SFSWAP: variants seen among roughly 807,000 people sequenced by gnomAD.
SFSWAP encodes splicing factor, suppressor of white-apricot homolog.
In SFSWAP, 17 loss-of-function variants were observed where a neutral mutation model predicts 100.7. The observed-to-expected ratio is 0.17, with a 90% CI of 0.12 to 0.25. The LOEUF (loss-of-function observed/expected upper bound fraction) is 0.25. Among genes scored for constraint, SFSWAP ranks in the 10% least tolerant of loss-of-function variants. SFSWAP has a pLI of 1.00. For missense variants in SFSWAP, 1,005 were observed against 1,262.6 expected (o/e 0.80, Z 3.09); for synonymous variants, 504 against 510.1 (o/e 0.99, Z 0.16).
intron 3 of SFSWAP, among the ~76,000 whole-genome samples, chr12:131,716,161 C>T (rs1877893253): frequency 6.6e-6 from 1 of 152,240 alleles, no homozygotes; most frequent in African/African-American, 2.4e-5. Flanking sequence ...GGCAAACGCA[C>T]ACACCGGCTT....
rs1186497631 is a variant in SFSWAP, at chr12:131,714,256, A to C, written c.388+16A>C. The C allele has an allele frequency of 1.3e-6, 2 of 1,573,670 alleles. No individual in the cohort carries two copies. The highest frequency in any genetic ancestry group is 2.3e-5 in the East Asian group (1 of 44,326). ...GCAAGGCAAGGTACTGCTCAAGACA[A>C]ACTTACTTCAGCAACAAACTTTTTA... On this transcript the variant is annotated intron_variant, in intron 2 of 17. Coordinates refer to ENST00000261674, the MANE Select transcript of SFSWAP (RefSeq NM_004592.4). The surrounding 1 kb of genome is among the most constrained non-coding windows in gnomAD (Gnocchi z 6.0).
intron 13 of SFSWAP, among the ~76,000 whole-genome samples, chr12:131,776,856 T>G (rs1305492226): frequency 6.6e-6 from 1 of 152,226 alleles, no homozygotes; most frequent in Admixed American, 6.5e-5. Context: ...GCTTTCTGGG[T>G]AAAGAGGGGC....
At position 131,778,447 on chromosome 12, in the gene SFSWAP, C is replaced by T. The variant is rs751724291; in HGVS notation, c.2408+117C>T. On this transcript the variant is annotated intron_variant, in intron 14 of 17. Coordinates refer to ENST00000261674, the MANE Select transcript of SFSWAP (RefSeq NM_004592.4). This position sits in a 1 kb window ranked among gnomAD's most constrained non-coding sequence, Gnocchi z 4.2. ...CAGTGCCGCTTTCATTAAGCAGACGCGTGTATGCATGTGCATGTGTGCCCT... is the reference window on the plus strand; with the variant it reads ...CAGTGCCGCTTTCATTAAGCAGACGTGTGTATGCATGTGCATGTGTGCCCT... The T allele has an allele frequency of 3.0e-5, 44 of 1,456,404 alleles. No individual in the cohort carries two copies. The Middle Eastern group carries it at 5.8e-4, about 19-fold the overall frequency. The allele number at this position is 1,456,404 out of a possible 1,614,324, so 90.2% of individuals were successfully genotyped here. A position where few individuals can be genotyped will look rare whatever the true frequency, so the allele number is the denominator to read the frequency against.
chr12:131,738,885 C>CTT (rs71072785), intron 7 of SFSWAP, among the ~76,000 whole-genome samples: 814 of 48,702 alleles, frequency 0.017, 138 homozygotes, highest in African/African-American at 0.027. Flanking sequence ...GAACATTATT[C>CTT]TTTTTTTTTT....
In SFSWAP at chr12:131,711,222, A is replaced by G; in HGVS notation, c.-8A>G. 1 of 1,587,846 alleles carries G rather than the reference A, an allele frequency of 6.3e-7. No homozygotes were observed. Among genetic ancestry groups the G allele is most frequent in the Non-Finnish European group, 8.6e-7 (1 of 1,169,516 alleles). On this transcript the variant is annotated 5_prime_UTR_variant, in exon 1 of 18. Coordinates refer to ENST00000261674, the MANE Select transcript of SFSWAP (RefSeq NM_004592.4). The surrounding 1 kb of genome is among the most constrained non-coding windows in gnomAD (Gnocchi z 4.9). ...AAGAGGACCAGCCTGGACGCCGGGG[A>G]CGCTGTCATGTACGGCGCGAGCGGG... is the stretch of plus-strand genomic sequence containing the variant.
At chr12:131,746,863 G>A (rs1881148876) in intron 7 of SFSWAP, among the ~76,000 whole-genome samples, 1 of 152,128 alleles carries the variant, frequency 6.6e-6, no homozygotes, top group Non-Finnish European at 1.5e-5. Flanking sequence ...CCAGCACTTT[G>A]GGAGGCCAAG....
At chr12:131,747,782 A>G (rs887145994) in intron 7 of SFSWAP, among the ~76,000 whole-genome samples, 4 of 152,200 alleles carry the variant, frequency 2.6e-5, no homozygotes, top group African/African-American at 9.6e-5. Flanking sequence ...TCTGTTCTGG[A>G]CACATTCGGC....
At chr12:131,762,570 C>G (rs1474301294) in intron 11 of SFSWAP, among the ~76,000 whole-genome samples, 1 of 151,952 alleles carries the variant, frequency 6.6e-6, no homozygotes, top group Admixed American at 6.6e-5. Context: ...ATATTTTAGT[C>G]CAGCCCCTTG....
intron 11 of SFSWAP, among the ~76,000 whole-genome samples, chr12:131,760,095 A>T (rs994284853): frequency 2.0e-5 from 3 of 152,246 alleles, no homozygotes; most frequent in African/African-American, 4.8e-5. Flanking sequence ...ATTTAAATGT[A>T]AAACATAAAA....
At chr12:131,767,185 G>A (rs920407794) in intron 13 of SFSWAP, among the ~76,000 whole-genome samples, 230 of 151,548 alleles carry the variant, frequency 1.5e-3, no homozygotes, top group Non-Finnish European at 2.3e-3. Context: ...TGGCTCCTGT[G>A]CCAAGGGGAT....
At position 131,714,375 on chromosome 12, in the gene SFSWAP, C is replaced by T. The variant is rs1877688347; in HGVS notation, c.388+135C>T. 1 of 738,986 alleles carries T rather than the reference C, an allele frequency of 1.4e-6. No individual in the cohort carries two copies. The highest frequency in any genetic ancestry group is 1.8e-5 in the African/African-American group (1 of 56,600). 45.8% of individuals were successfully genotyped at this position (738,986 alleles called of 1,614,324 possible). On this transcript the variant is annotated intron_variant, in intron 2 of 17. Transcript: ENST00000261674. The surrounding 1 kb of genome is among the most constrained non-coding windows in gnomAD (Gnocchi z 6.0). Reference sequence around the variant, plus strand: ...GACAGTACCCAGTGGATTGGAAAAACAGGAGTCTTTGCGTTCTGAGAGGAC... The same window carrying T: ...GACAGTACCCAGTGGATTGGAAAAATAGGAGTCTTTGCGTTCTGAGAGGAC...
chr12:131,755,851 G>C (rs1384646586), intron 10 of SFSWAP, among the ~76,000 whole-genome samples: 1 of 152,226 alleles, frequency 6.6e-6, no homozygotes, highest in East Asian at 1.9e-4. Flanking sequence ...ATATAAGTGG[G>C]CGCCTCATGC....
chr12:131,711,498 T>G lies in SFSWAP; in HGVS notation c.218+51T>G, dbSNP rs769411742. On this transcript the variant is annotated intron_variant, in intron 1 of 17. Transcript: ENST00000261674. The surrounding 1 kb of genome is among the most constrained non-coding windows in gnomAD (Gnocchi z 4.9). ...TCCTTCCCTTCCCTCACCCGCTTGA[T>G]CTCGTCTGATGTTGACTTGACTGCA... The G allele has an allele frequency of 3.6e-5, 53 of 1,463,616 alleles. No individual in the cohort carries two copies. The South Asian group carries it at 5.7e-4, about 16-fold the overall frequency. 90.7% of individuals were successfully genotyped at this position (1,463,616 alleles called of 1,614,324 possible).
chr12:131,776,835 G>A (rs1207599455), intron 13 of SFSWAP, among the ~76,000 whole-genome samples: 1 of 152,204 alleles, frequency 6.6e-6, no homozygotes, highest in Non-Finnish European at 1.5e-5. Context: ...CTTGAAGTGA[G>A]GAGAGAGTGA....
intron 13 of SFSWAP, among the ~76,000 whole-genome samples, chr12:131,770,764 C>T (rs1305735716): frequency 6.6e-6 from 1 of 152,170 alleles, no homozygotes; most frequent in Admixed American, 6.5e-5. Context: ...TATATTCACA[C>T]TGTGCAACTA....
chr12:131,771,723 G>A (rs147326150), intron 13 of SFSWAP, among the ~76,000 whole-genome samples: 2,331 of 146,616 alleles, frequency 0.016, 66 homozygotes, highest in African/African-American at 0.053. Flanking sequence ...GCGCGATCTC[G>A]GCTCAATTGG....
Position 131,753,369 on chromosome 12 carries a change from T to G in SFSWAP, c.1322+6T>G. On this transcript the variant is annotated splice_donor_region_variant and intron_variant, in intron 8 of 17. Transcript: ENST00000261674. ...TCCACAACCACCACCACAAGGTAGG[T>G]GCAGCGTCCACCGCTGCCTGCTGTG... 1 of 1,609,882 alleles carries G rather than the reference T, an allele frequency of 6.2e-7. No individual in the cohort carries two copies. The highest frequency in any genetic ancestry group is 8.5e-7 in the Non-Finnish European group (1 of 1,176,864).
rs1365868489 is a variant in SFSWAP at position 131,733,947 on chromosome 12, G to A, written c.1081+5519G>A. ...CAAGACCCCAAACACACACATGGGA[G>A]CCCTGAGCCCACCCTGGGGCAGGGT... On this transcript the variant is annotated intron_variant, in intron 7 of 17. Coordinates refer to ENST00000261674, the MANE Select transcript of SFSWAP (RefSeq NM_004592.4). The surrounding 1 kb of genome is among the most constrained non-coding windows in gnomAD (Gnocchi z 5.1). Among the ~76,000 whole-genome samples the A allele has an allele frequency of 2.0e-5, 3 of 152,198 alleles. No homozygotes were observed. Among genetic ancestry groups the A allele is most frequent in the Non-Finnish European group, 4.4e-5 (3 of 68,020 alleles).
rs1483860552 is a variant in SFSWAP, at chr12:131,778,315, C to G, written c.2393C>G (p.Thr798Arg). ...AKHSLPSAYR[T>R]VRRSRSRSRS... Reference sequence around the variant, plus strand: ...CATTCTCTTCCCAGTGCCTATCGGACAGTGCGGCGGTCGAGGTGGGTGTGA... The same window carrying G: ...CATTCTCTTCCCAGTGCCTATCGGAGAGTGCGGCGGTCGAGGTGGGTGTGA... The change falls in exon 14 of 18, where the codon ACA (threonine) becomes AGA (arginine). Residue 798 changes from threonine (T) to arginine (R), a missense_variant. Thr to Arg is a moderately conservative substitution (Grantham distance 71). This residue lies in a region of SFSWAP where 295 missense variants were observed against 347.9 expected (regional missense o/e 0.85). Coordinates refer to ENST00000261674, the MANE Select transcript of SFSWAP (RefSeq NM_004592.4). The surrounding 1 kb of genome is among the most constrained non-coding windows in gnomAD (Gnocchi z 4.2). The G allele has an allele frequency of 2.5e-6, 4 of 1,613,804 alleles. No homozygotes were observed. Among genetic ancestry groups the G allele is most frequent in the Non-Finnish European group, 1.7e-6 (2 of 1,179,826 alleles).
Sources: gnomAD v4.1 joint callset for allele counts (sites outside exome capture counted in the v4.1 genomes callset) on GRCh38, gnomAD v4.1.1 for gene constraint, gnomAD v4.1.1 regional missense constraint, Gnocchi (gnomAD v3.1) non-coding constraint, MANE v1.5 for transcripts, NCBI Gene and HGNC (gene_info 2026-07-23, HGNC 2026-07-21) for gene names.